ERCC6: variants seen among roughly 807,000 people sequenced by gnomAD.
ERCC6 encodes DNA excision repair protein ERCC-6.
In ERCC6, 116 loss-of-function variants were observed where a neutral mutation model predicts 158.7. That is an observed-to-expected ratio of 0.73 (90% CI 0.63 to 0.85). The LOEUF (loss-of-function observed/expected upper bound fraction) is 0.85, where lower values mean the gene tolerates loss of function less well. Ranked by LOEUF, ERCC6 falls within the 40% of genes least tolerant of loss-of-function variation. The pLI is 0.00. For missense variants in ERCC6, 1,698 were observed against 1,799.4 expected, an observed-to-expected ratio of 0.94 and a Z score of 1.02; for synonymous variants, 678 against 659.3, an observed-to-expected ratio of 1.03 and a Z score of -0.43.
Position 49,470,889 on chromosome 10 carries a change from C to T in ERCC6, c.3071G>A (p.Gly1024Glu). 1 of 1,613,728 alleles carries T rather than the reference C, an allele frequency of 6.2e-7. No individual in the cohort carries two copies. The highest frequency in any genetic ancestry group is 8.5e-7 in the Non-Finnish European group (1 of 1,179,802). ...QSTETSAIFA[G>E]TGSDVQTPKC... ...GGGTGTCTGAACATCTGATCCAGTT[C>T]CTGTAAAGAGGAAAAACACCACTAA... The change falls in exon 18 of 21, where the codon GGA becomes GAA. Residue 1024 changes from glycine (G) to glutamate (E), a missense_variant and splice_region_variant. By Grantham distance (98) the Gly-to-Glu change is moderately conservative. Transcript: ENST00000355832.
upstream of ERCC6, chr10:49,539,185 GC>G (rs1175366880): frequency 1.3e-5 from 2 of 152,318 alleles, no homozygotes; most frequent in African/African-American, 4.8e-5. Context: ...GGAGGGACGG[GC>G]TCAGCAGCGC....
chr10:49,502,378 A>C (rs1299512456), intron 6 of ERCC6: 1 of 152,248 alleles, frequency 6.6e-6, no homozygotes, highest in African/African-American at 2.4e-5. Context: ...TACAGATACA[A>C]GATCATTTAA....
chr10:49,471,093 A>G lies in ERCC6; in HGVS notation c.2952T>C (p.Asn984=), dbSNP rs1250550537. 1.2e-6 allele frequency: 2 copies of G among 1,613,990 alleles called. No homozygotes were observed. The highest frequency in any genetic ancestry group is 1.7e-5 in the Admixed American group (1 of 60,010). ...TTTGTTTTGGGTCTTTTAGCACTCT[A>G]TTTGTCAAAAACTGCTTGAAGATTT... The part of the protein sequence containing the change: ...HRQIFKQFLT[N]RVLKDPKQRR... Residue 984 remains asparagine, a synonymous_variant, in exon 17 of 21, where the codon AAT becomes AAC. Transcript: ENST00000355832.
At chr10:49,478,714 A>G (rs921382166) in intron 10 of ERCC6, among the ~76,000 whole-genome samples, 2 of 152,218 alleles carry the variant, frequency 1.3e-5, no homozygotes, top group African/African-American at 2.4e-5. Context: ...AATGTACAAC[A>G]AAAGAAAAAC....
intron 14 of ERCC6, 90 bp downstream of exon 14, chr10:49,473,387 G>T: frequency 1.1e-6 from 1 of 921,120 alleles, no homozygotes; most frequent in Non-Finnish European, 1.8e-6. Context: ...TGTCAATGCT[G>T]CTTTGGTGGG....
Position 49,524,311 on chromosome 10 carries a change from C to T in ERCC6, c.1119G>A (p.Glu373=). 3 of 1,614,078 alleles carry T rather than the reference C, an allele frequency of 1.9e-6. No individual in the cohort carries two copies. Among genetic ancestry groups the T allele is most frequent in the Non-Finnish European group, 2.5e-6 (3 of 1,179,992 alleles). ...AEGDSEGEES[E]YFPTEEEEEE... ...CTTCCTCCTCCTCTGTGGGGAAATA[C>T]TCAGACTCTTCACCCTCAGAGTCTC... is the stretch of plus-strand genomic sequence containing the variant. Residue 373 remains glutamate (E), a synonymous_variant, in exon 5 of 21, where the codon GAG becomes GAA. Transcript: ENST00000355832.
chr10:49,533,302 C>T (rs1242371119), intron 1 of ERCC6, among the ~76,000 whole-genome samples: 2 of 152,208 alleles, frequency 1.3e-5, no homozygotes, highest in Admixed American at 1.3e-4. Flanking sequence ...AGTCATTTGG[C>T]TGCTGTTTTC....
chr10:49,532,600 C>T lies in ERCC6; in HGVS notation c.365G>A (p.Arg122His), dbSNP rs562828066. ...CTCCACGTCAACGAGCTGGGAGGCA[C>T]GGCTGGCCTCATGGATGGCATTGTC... ...QVDNAIHEAS[R>H]ASQLVDVEKE... The change falls in exon 2 of 21, where the codon CGT becomes CAT. Residue 122 changes from arginine (R) to histidine (H), a missense_variant. Physicochemically the swap from Arg to His is conservative, Grantham distance 29 (BLOSUM62 0). Coordinates refer to ENST00000355832, the MANE Select transcript of ERCC6 (RefSeq NM_000124.4). 1.1e-5 allele frequency: 18 copies of T among 1,614,190 alleles called. No homozygotes were observed. Among genetic ancestry groups the T allele is most frequent in the South Asian group, 8.8e-5 (8 of 91,080 alleles).
At chr10:49,499,132 T>C (rs934862142) in intron 7 of ERCC6, among the ~76,000 whole-genome samples, 1 of 152,232 alleles carries the variant, frequency 6.6e-6, no homozygotes, top group African/African-American at 2.4e-5. Context: ...TGTTTTCACA[T>C]GCTTCCAAGC....
At position 49,524,640 on chromosome 10, in the gene ERCC6, T is replaced by C. The variant is rs764038554; in HGVS notation, c.790A>G (p.Met264Val). ...TCGAAGCCTGATGCTTCATTAAGCA[T>C]GATTTTTCTGGGCTTTTTCTCCTGT... Reference protein sequence around the residue: ...QKQEKKPRKIMLNEASGFEKY... With the variant: ...QKQEKKPRKIVLNEASGFEKY... The change falls in exon 5 of 21, where the codon ATG (methionine) becomes GTG (valine). Residue 264 changes from methionine to valine, a missense_variant. Met to Val is a conservative substitution (Grantham distance 21, BLOSUM62 1). Transcript: ENST00000355832. 84 of 1,614,078 alleles carry C rather than the reference T, an allele frequency of 5.2e-5. No homozygotes were observed. Among genetic ancestry groups the C allele is most frequent in the Non-Finnish European group, 6.6e-5 (78 of 1,180,046 alleles).
chr10:49,441,933 G>C, the ERCC6 span, among the ~76,000 whole-genome samples: 1 of 152,168 alleles, frequency 6.6e-6, no homozygotes, highest in Non-Finnish European at 1.5e-5. Flanking sequence ...GCAAAACTTC[G>C]TCCTGTGAGT....
chr10:49,458,881 A>T lies in ERCC6; in HGVS notation c.4416T>A (p.Asn1472Lys). The T allele has an allele frequency of 6.2e-7, 1 of 1,614,222 alleles. No individual in the cohort carries two copies. Among genetic ancestry groups the T allele is most frequent in the South Asian group, 1.1e-5 (1 of 91,086 alleles). The change falls in exon 21 of 21, where the codon AAT becomes AAA. Residue 1472 changes from asparagine (N) to lysine (K), a missense_variant. By Grantham distance (94) the Asn-to-Lys change is moderately conservative. Coordinates refer to ENST00000355832, the MANE Select transcript of ERCC6 (RefSeq NM_000124.4). ...QSCVFRELLRNLCTFHRTSGG... is the reference protein window; with the variant it reads ...QSCVFRELLRKLCTFHRTSGG... Reference sequence around the variant, plus strand: ...CAGAAGTTCTATGGAAAGTGCACAGATTTCTCAATAGTTCTCGGAAGACAC... The same window carrying T: ...CAGAAGTTCTATGGAAAGTGCACAGTTTTCTCAATAGTTCTCGGAAGACAC...
the ERCC6 span, among the ~76,000 whole-genome samples, chr10:49,446,839 T>G: frequency 1.3e-5 from 2 of 152,114 alleles, no homozygotes; most frequent in African/African-American, 4.8e-5. Context: ...ATTCAATGGA[T>G]AGCTTAACCA....
intron 5 of ERCC6, among the ~76,000 whole-genome samples, chr10:49,517,879 T>C (rs1037004644): frequency 2.6e-5 from 4 of 152,218 alleles, no homozygotes; most frequent in Non-Finnish European, 4.4e-5. Flanking sequence ...CTCTCAGAGA[T>C]GTTAAGAACA....
the ERCC6 span, among the ~76,000 whole-genome samples, chr10:49,436,021 A>C: frequency 6.6e-6 from 1 of 151,500 alleles, no homozygotes; most frequent in Non-Finnish European, 1.5e-5. Flanking sequence ...AGAAAGAAAA[A>C]AAAAAAAAGC....
In ERCC6 at chr10:49,478,428, T is replaced by C. The variant is rs373277796; in HGVS notation, c.2212A>G (p.Ile738Val). Reference sequence around the variant, plus strand: ...ATTCTCCGCAGTAGGTATGGATTTATGGTATCTCGTAAGACACATGCACAC... The same window carrying C: ...ATTCTCCGCAGTAGGTATGGATTTACGGTATCTCGTAAGACACATGCACAC... ...YKCACVLRDTINPYLLRRMKS... is the reference protein window; with the variant it reads ...YKCACVLRDTVNPYLLRRMKS... The change falls in exon 11 of 21, where the codon ATA becomes GTA. Residue 738 changes from isoleucine to valine, a missense_variant. Coordinates refer to ENST00000355832, the MANE Select transcript of ERCC6 (RefSeq NM_000124.4). The C allele has an allele frequency of 6.2e-7, 1 of 1,614,066 alleles. No homozygotes were observed. Among genetic ancestry groups the C allele is most frequent in the Non-Finnish European group, 8.5e-7 (1 of 1,179,942 alleles).
intron 1 of ERCC6, among the ~76,000 whole-genome samples, chr10:49,535,137 C>T (rs1190946968): frequency 6.6e-6 from 1 of 152,142 alleles, no homozygotes; most frequent in African/African-American, 2.4e-5. Context: ...AGAGCTAAGT[C>T]TAAAATAATA....
chr10:49,497,959 T>G (rs1294779479), intron 7 of ERCC6, among the ~76,000 whole-genome samples: 1 of 152,164 alleles, frequency 6.6e-6, no homozygotes, highest in Non-Finnish European at 1.5e-5. Context: ...CCAAATGATA[T>G]CCAAGACTTT....
intron 1 of ERCC6, 146 bp from the exon 2 acceptor site, chr10:49,533,124 T>C: frequency 1.9e-6 from 2 of 1,035,318 alleles, no homozygotes; most frequent in Non-Finnish European, 2.7e-6. Context: ...AGTATTAATT[T>C]ACTAAAAAGG....
Sources: allele counts gnomAD v4.1 joint callset (sites outside exome capture counted in the v4.1 genomes callset), GRCh38; gene constraint gnomAD v4.1.1; transcripts MANE v1.5; gene names NCBI Gene and HGNC (gene_info 2026-07-23, HGNC 2026-07-21).